The following ADARB1 variants were observed in gnomAD, a reference collection of about 807,000 sequenced individuals.
ADARB1 encodes adenosine deaminase RNA specific B1.
In ADARB1, 10 loss-of-function variants were observed where a neutral mutation model predicts 52.4. That is an observed-to-expected ratio of 0.19 (90% CI 0.12 to 0.32). ADARB1 has a LOEUF of 0.32. ADARB1 is among the 10% of genes least tolerant of loss of function. ADARB1 has a pLI of 1.00. For missense variants in ADARB1, 643 were observed against 922.3 expected (o/e 0.70, Z 3.92); for synonymous variants, 349 against 371.1 (o/e 0.94, Z 0.68).
At chr21:45,140,914 G>C (rs112105372) in intron 2 of ADARB1, among the ~76,000 whole-genome samples, 226 of 152,342 alleles carry the variant, frequency 1.5e-3, no homozygotes, top group African/African-American at 5.2e-3. Context: ...ATTGTGGCCA[G>C]GTGTGGTGCT....
intron 8 of ADARB1, among the ~76,000 whole-genome samples, chr21:45,203,287 C>T (rs907698360): frequency 2.6e-5 from 4 of 152,234 alleles, no homozygotes. Context: ...AGCCTCACAG[C>T]CCCCTCCTTT....
chr21:45,112,137 T>A (rs1466156121), intron 1 of ADARB1, among the ~76,000 whole-genome samples: 2 of 152,198 alleles, frequency 1.3e-5, no homozygotes, highest in Non-Finnish European at 2.9e-5. Context: ...CTGAGATGCC[T>A]CCCAAAGTGC....
At chr21:45,193,311 A>T (rs1259858536) in intron 8 of ADARB1, among the ~76,000 whole-genome samples, 1 of 152,248 alleles carries the variant, frequency 6.6e-6, no homozygotes, top group Non-Finnish European at 1.5e-5. Context: ...TAAAAAAGAC[A>T]CAGAAAAGGC....
At position 45,223,609 on chromosome 21, in the gene ADARB1, G is replaced by A; in HGVS notation, c.*1412G>A. On this transcript the variant is annotated 3_prime_UTR_variant, in exon 11 of 11. Coordinates refer to ENST00000348831, the MANE Select transcript of ADARB1 (RefSeq NM_001112.4). The stretch of plus-strand genomic sequence containing the variant: ...CTCCTGGGGCCATGGGGAGAGATTG[G>A]TGCAGACCTTACCCCACAGCATACA... The A allele has an allele frequency of 1.0e-6, 1 of 985,818 alleles. No homozygotes were observed. Among genetic ancestry groups the A allele is most frequent in the Non-Finnish European group, 1.2e-6 (1 of 830,290 alleles). 61.1% of individuals were successfully genotyped at this position (985,818 alleles called of 1,614,324 possible). A position where few individuals can be genotyped will look rare whatever the true frequency, so the allele number is the denominator to read the frequency against.
intron 1 of ADARB1, among the ~76,000 whole-genome samples, chr21:45,121,329 T>C (rs1388280376): frequency 6.6e-6 from 1 of 152,244 alleles, no homozygotes; most frequent in African/African-American, 2.4e-5. Context: ...GTGATTTGTG[T>C]GAAAACATCT....
intron 1 of ADARB1, among the ~76,000 whole-genome samples, chr21:45,117,363 G>T (rs1365183009): frequency 6.6e-6 from 1 of 152,128 alleles, no homozygotes; most frequent in African/African-American, 2.4e-5. Context: ...ATATGGAAGG[G>T]TACGTACCCA....
chr21:45,166,225 CA>C, intron 2 of ADARB1, among the ~76,000 whole-genome samples: 1 of 152,168 alleles, frequency 6.6e-6, no homozygotes, highest in South Asian at 2.1e-4. Flanking sequence ...CTTGTGGTTG[CA>C]ATGTATCTAT....
Position 45,180,333 on chromosome 21 carries a change from T to G in ADARB1, c.967T>G (p.Leu323Val). 1 of 1,613,570 alleles carries G rather than the reference T, an allele frequency of 6.2e-7. No individual in the cohort carries two copies. Among genetic ancestry groups the G allele is most frequent in the South Asian group, 1.1e-5 (1 of 90,988 alleles). The change falls in exon 5 of 11, where the codon TTA (leucine) becomes GTA (valine). Residue 323 changes from leucine to valine, a missense_variant. This residue lies in a region of ADARB1 where 380 missense variants were observed against 446.5 expected (regional missense o/e 0.85). Coordinates refer to ENST00000348831, the MANE Select transcript of ADARB1 (RefSeq NM_001112.4). ...EGLQLHLPQVLADAVSRLVLG... is the reference protein window; with the variant it reads ...EGLQLHLPQVVADAVSRLVLG... ...TGCATCTGTGCTTCCCACACAGGTT[T>G]TAGCTGACGCTGTCTCACGCCTGGT...
At chr21:45,197,995 C>A in intron 8 of ADARB1, among the ~76,000 whole-genome samples, 2 of 151,984 alleles carry the variant, frequency 1.3e-5, no homozygotes, top group South Asian at 4.2e-4. Flanking sequence ...CCACAGTGTC[C>A]CTTTAAGCGT....
chr21:45,111,525 G>A (rs1350062549), intron 1 of ADARB1, among the ~76,000 whole-genome samples: 1 of 152,068 alleles, frequency 6.6e-6, no homozygotes, highest in Non-Finnish European at 1.5e-5. Flanking sequence ...ACGTTCTATG[G>A]GTTTGTACAC....
chr21:45,196,634 G>A (rs770018207), intron 8 of ADARB1, among the ~76,000 whole-genome samples: 2 of 152,144 alleles, frequency 1.3e-5, no homozygotes, highest in African/African-American at 2.4e-5. Flanking sequence ...CTCTCAAAAC[G>A]CAACAAGGGG....
At chr21:45,081,734 C>T (rs1214968735) in intron 1 of ADARB1, among the ~76,000 whole-genome samples, 3 of 152,108 alleles carry the variant, frequency 2.0e-5, no homozygotes. Context: ...TCTCTGAGTG[C>T]GATGTGGTAC....
At chr21:45,191,805 G>C (rs2092289382) in intron 8 of ADARB1, among the ~76,000 whole-genome samples, 1 of 145,508 alleles carries the variant, frequency 6.9e-6, no homozygotes, top group African/African-American at 2.6e-5. Context: ...AGTCTCTTCT[G>C]TGAGACAGCA....
chr21:45,099,863 A>G (rs147043460), intron 1 of ADARB1, among the ~76,000 whole-genome samples: 2 of 152,074 alleles, frequency 1.3e-5, no homozygotes, highest in African/African-American at 2.4e-5. Context: ...GCCCTCCTAG[A>G]TGCTGGACAT....
chr21:45,167,190 T>G (rs2091288475), intron 2 of ADARB1, among the ~76,000 whole-genome samples: 1 of 152,214 alleles, frequency 6.6e-6, no homozygotes, highest in South Asian at 2.1e-4. Flanking sequence ...GCATGACTAT[T>G]TTCTACTGCG....
chr21:45,156,438 T>TCCATCCACCCACCCATCATTACCCA (rs1601651769), intron 2 of ADARB1, among the ~76,000 whole-genome samples: 1 of 108,190 alleles, frequency 9.2e-6, no homozygotes, highest in Non-Finnish European at 2.0e-5. Context: ...CCATCATCCA[T>TCCATCCACCCACCCATCATTACCCA]TCGTCCATCC....
chr21:45,204,797 T>C lies in ADARB1; in HGVS notation c.1747+61T>C. ...TCTTGATTTTGCAATGTTTTCATCC[T>C]CATGAATGAAAAAAACACCACCTGA... On this transcript the variant is annotated intron_variant, in intron 9 of 10. Transcript: ENST00000348831. This position sits in a 1 kb window ranked among gnomAD's most constrained non-coding sequence, Gnocchi z 4.4. 6.4e-7 allele frequency: 1 copy of C among 1,551,062 alleles called. No homozygotes were observed.
chr21:45,138,682 T>C (rs2089528172), intron 2 of ADARB1, among the ~76,000 whole-genome samples: 1 of 152,180 alleles, frequency 6.6e-6, no homozygotes, highest in Non-Finnish European at 1.5e-5. Context: ...CTTTCATTTT[T>C]GTGGCACCCT....
chr21:45,087,820 AGT>A (rs2086407647), intron 1 of ADARB1, among the ~76,000 whole-genome samples: 2 of 152,356 alleles, frequency 1.3e-5, no homozygotes, highest in Admixed American at 6.5e-5. Flanking sequence ...TGGAAAGGAA[AGT>A]GTTAACCTTA....
Sources: allele counts gnomAD v4.1 joint callset (sites outside exome capture counted in the v4.1 genomes callset), GRCh38; gene constraint gnomAD v4.1.1; regional missense constraint gnomAD v4.1.1; non-coding constraint Gnocchi (gnomAD v3.1); transcripts MANE v1.5; gene names NCBI Gene and HGNC (gene_info 2026-07-23, HGNC 2026-07-21).